The following SGCD variants were observed in gnomAD, a reference collection of about 807,000 sequenced individuals.
SGCD encodes the protein sarcoglycan delta.
In SGCD, 18 loss-of-function variants were observed where a neutral mutation model predicts 36.6. That is an observed-to-expected ratio of 0.49 (90% CI 0.34 to 0.73). The LOEUF (loss-of-function observed/expected upper bound fraction) is 0.73, where lower values mean the gene tolerates loss of function less well. SGCD is among the 30% of genes least tolerant of loss of function. The probability of loss-of-function intolerance (pLI) is 0.01; values close to 1 mark genes in which losing one functional copy is unlikely to be tolerated. For synonymous variants in SGCD, 133 were observed against 130.6 expected, an observed-to-expected ratio of 1.02 and a Z score of -0.12; for missense variants, 387 against 346.7, an observed-to-expected ratio of 1.12 and a Z score of -0.92.
At chr5:156,469,586 C>G (rs878981833) in intron 3 of SGCD, among the ~76,000 whole-genome samples, 1 of 152,060 alleles carries the variant, frequency 6.6e-6, no homozygotes, top group Non-Finnish European at 1.5e-5. Flanking sequence ...ATAATTGCAC[C>G]ATGGGGCAGA....
At chr5:155,775,499 C>G in the SGCD span, among the ~76,000 whole-genome samples, 10,995 of 152,094 alleles carry the variant, frequency 0.072, 485 homozygotes, top group African/African-American at 0.11. Context: ...ACTCCTGCGC[C>G]CATGCTTTTT....
At chr5:156,582,415 C>G (rs1760305865) in intron 4 of SGCD, among the ~76,000 whole-genome samples, 2 of 152,108 alleles carry the variant, frequency 1.3e-5, no homozygotes, top group Non-Finnish European at 2.9e-5. Context: ...CAATTGAGCT[C>G]TAGCATTCCT....
At chr5:156,210,839 G>A (rs249884) in intron 3 of SGCD, among the ~76,000 whole-genome samples, 89,628 of 151,672 alleles carry the variant, frequency 0.59, 26,658 homozygotes, top group East Asian at 0.69. Flanking sequence ...GAGCAAATGT[G>A]CAAGTTACAG....
rs1315380497 is a variant in SGCD, at chr5:156,405,864, G to A, written c.192+61187G>A. Among the ~76,000 whole-genome samples, 5 of 152,062 alleles carry A rather than the reference G, an allele frequency of 3.3e-5. No homozygotes were observed. The East Asian group carries it at 9.7e-4, about 30-fold the overall frequency. ...CTGCTGAGTCTGGCCAGATACCTGA[G>A]GCCCAGTGGGTGCTCCCACATCCTT... On this transcript the variant is annotated intron_variant, in intron 3 of 8. Transcript: ENST00000337851.
At chr5:156,568,433 A>G (rs7730140) in intron 4 of SGCD, among the ~76,000 whole-genome samples, 38,776 of 152,100 alleles carry the variant, frequency 0.25, 5,668 homozygotes, top group Non-Finnish European at 0.34. Flanking sequence ...AATGGTCCTA[A>G]TCCCTACTCT....
intron 3 of SGCD, among the ~76,000 whole-genome samples, chr5:156,275,253 C>T (rs1766285433): frequency 6.6e-6 from 1 of 151,934 alleles, no homozygotes; most frequent in African/African-American, 2.4e-5. Context: ...CTCTCCAGGG[C>T]AGAGATGTTC....
At chr5:155,886,810 G>T (rs184177696) in intron 1 of SGCD, among the ~76,000 whole-genome samples, 2 of 152,338 alleles carry the variant, frequency 1.3e-5, no homozygotes, top group Non-Finnish European at 2.9e-5. Flanking sequence ...GAAGGAGAAT[G>T]CCCAGGGGCA....
At chr5:156,259,021 A>C (rs1316460308) in intron 3 of SGCD, among the ~76,000 whole-genome samples, 3 of 152,066 alleles carry the variant, frequency 2.0e-5, no homozygotes, top group Non-Finnish European at 4.4e-5. Flanking sequence ...CTTATAAGAA[A>C]CTGGCAAACA....
At chr5:156,486,420 C>A (rs1385663766) in intron 3 of SGCD, among the ~76,000 whole-genome samples, 1 of 152,184 alleles carries the variant, frequency 6.6e-6, no homozygotes, top group Non-Finnish European at 1.5e-5. Flanking sequence ...CCTGCAGTAG[C>A]AGAGCTGTTG....
chr5:156,308,684 T>C (rs530723735), intron 3 of SGCD, among the ~76,000 whole-genome samples: 53 of 152,222 alleles, frequency 3.5e-4, no homozygotes, highest in African/African-American at 1.2e-3. Context: ...ACACCCATGA[T>C]CCCATCACCT....
At chr5:156,352,790 G>A (rs904104535) in intron 3 of SGCD, among the ~76,000 whole-genome samples, 1 of 152,146 alleles carries the variant, frequency 6.6e-6, no homozygotes, top group African/African-American at 2.4e-5. Context: ...GGAGGAAGTG[G>A]AGGCTCCAAG....
chr5:156,700,928 G>A (rs1754502836), intron 7 of SGCD, among the ~76,000 whole-genome samples: 2 of 122,270 alleles, frequency 1.6e-5, no homozygotes, highest in Non-Finnish European at 1.7e-5. Context: ...GGGCAATGGA[G>A]TGAGACCTTG....
intron 4 of SGCD, among the ~76,000 whole-genome samples, chr5:156,554,474 T>C (rs977920393): frequency 4.0e-5 from 6 of 151,644 alleles, no homozygotes; most frequent in Non-Finnish European, 8.8e-5. Flanking sequence ...GCCTAATTTA[T>C]AAATTTAGCT....
intron 3 of SGCD, among the ~76,000 whole-genome samples, chr5:156,274,472 A>ATTT (rs1561595657): frequency 8.0e-5 from 12 of 150,224 alleles, no homozygotes; most frequent in African/African-American, 3.0e-4. Context: ...TCATTTTTTA[A>ATTT]AAAATTTTAG....
chr5:155,763,943 ATTC>A, the SGCD span, among the ~76,000 whole-genome samples: 1 of 136,432 alleles, frequency 7.3e-6, no homozygotes, highest in Admixed American at 6.9e-5. Context: ...ACAAACAAGA[ATTC>A]TTCTAGTAGA....
chr5:156,393,167 C>A (rs533240118), intron 3 of SGCD, among the ~76,000 whole-genome samples: 1 of 152,132 alleles, frequency 6.6e-6, no homozygotes, highest in Non-Finnish European at 1.5e-5. Context: ...GTAGGGAAAC[C>A]AAGAGACAGG....
At chr5:156,617,519 G>A (rs143925580) in intron 6 of SGCD, among the ~76,000 whole-genome samples, 3 of 152,302 alleles carry the variant, frequency 2.0e-5, no homozygotes, top group Non-Finnish European at 4.4e-5. Context: ...TGGGATTGGA[G>A]ATTAACAGTT....
chr5:156,487,334 T>C (rs538652405), intron 3 of SGCD, among the ~76,000 whole-genome samples: 12 of 152,194 alleles, frequency 7.9e-5, no homozygotes, highest in Non-Finnish European at 1.5e-4. Flanking sequence ...ATCAACACTA[T>C]AGATGCATGT....
In SGCD at chr5:156,619,036, T is replaced by C. The variant is rs75713683; in HGVS notation, c.502+23985T>C. On this transcript the variant is annotated intron_variant, in intron 6 of 8. Coordinates refer to ENST00000337851, the MANE Select transcript of SGCD (RefSeq NM_000337.6). ...GAGAGCCAATTCCTTTTTTTTTTTT[T>C]TTCTTCTGAGACAGCGTATCGCTCT... 3.3e-5 allele frequency among the ~76,000 whole-genome samples: 5 copies of C among 150,318 alleles called. No individual in the cohort carries two copies. The South Asian group carries it at 6.3e-4, about 19-fold the overall frequency.
Sources: gnomAD v4.1 joint callset for allele counts (sites outside exome capture counted in the v4.1 genomes callset) on GRCh38, gnomAD v4.1.1 for gene constraint, MANE v1.5 for transcripts, NCBI Gene and HGNC (gene_info 2026-07-23, HGNC 2026-07-21) for gene names.